The following PHF2 variants were observed in gnomAD, a reference collection of about 807,000 sequenced individuals.
PHF2 encodes the protein PHD finger protein 2.
Under a neutral mutation model 120.5 loss-of-function variants are expected in PHF2, and 27 were observed. That is an observed-to-expected ratio of 0.22 (90% CI 0.17 to 0.31). PHF2 has a LOEUF of 0.31. PHF2 is among the 10% of genes least tolerant of loss of function. The pLI is 1.00. For missense variants in PHF2, 1,024 were observed against 1,434.8 expected, an observed-to-expected ratio of 0.71 and a Z score of 4.63; for synonymous variants, 568 against 592.5, an observed-to-expected ratio of 0.96 and a Z score of 0.60.
At chr9:93,645,369 A>G (rs1414198986) in intron 3 of PHF2, among the ~76,000 whole-genome samples, 1 of 152,072 alleles carries the variant, frequency 6.6e-6, no homozygotes, top group Non-Finnish European at 1.5e-5. Context: ...GGCCCTTGTC[A>G]CCTCTTGACA....
intron 1 of PHF2, 139 bp from the exon 2 acceptor site, chr9:93,629,831 C>T: frequency 1.3e-6 from 1 of 780,498 alleles, no homozygotes; most frequent in African/African-American, 1.7e-5. Flanking sequence ...CCTAGTAGAA[C>T]ACTGTCCCTG....
chr9:93,636,243 C>T (rs1264112412), intron 2 of PHF2, among the ~76,000 whole-genome samples, 168 bp from the exon 3 acceptor site: 1 of 152,014 alleles, frequency 6.6e-6, no homozygotes, highest in African/African-American at 2.4e-5. Flanking sequence ...TGACTCCTCC[C>T]TATGTGCATG....
chr9:93,616,234 G>A (rs779163178), intron 1 of PHF2, among the ~76,000 whole-genome samples: 6 of 152,184 alleles, frequency 3.9e-5, no homozygotes, highest in South Asian at 2.1e-4. Context: ...TTAAATAACC[G>A]TGGGAGAAAC....
At chr9:93,632,965 A>G (rs1826025380) in intron 2 of PHF2, among the ~76,000 whole-genome samples, 2 of 152,054 alleles carry the variant, frequency 1.3e-5, no homozygotes, top group Non-Finnish European at 2.9e-5. Context: ...TGGTCTTTGC[A>G]TTTACTCCAG....
At chr9:93,629,747 G>T (rs10992811) in intron 1 of PHF2, among the ~76,000 whole-genome samples, 3,971 of 152,214 alleles carry the variant, frequency 0.026, 94 homozygotes, top group East Asian at 0.1. Context: ...ATATCCAGAC[G>T]CTGTATCTAG....
chr9:93,661,556 C>T (rs1357632432), intron 12 of PHF2, among the ~76,000 whole-genome samples: 1 of 151,784 alleles, frequency 6.6e-6, no homozygotes, highest in East Asian at 1.9e-4. Flanking sequence ...GCTACATGAA[C>T]GAATTGATGG....
At chr9:93,668,160 A>T (rs72747448) in intron 17 of PHF2, among the ~76,000 whole-genome samples, 19,206 of 152,280 alleles carry the variant, frequency 0.13, 1,366 homozygotes, top group Non-Finnish European at 0.17. Context: ...TGTAATATTG[A>T]TCAGAAAGCC....
chr9:93,650,244 C>A (rs376855226), intron 5 of PHF2, among the ~76,000 whole-genome samples: 1 of 152,032 alleles, frequency 6.6e-6, no homozygotes, highest in Non-Finnish European at 1.5e-5. Flanking sequence ...CACGGGCATT[C>A]ATGGACACAC....
intron 1 of PHF2, among the ~76,000 whole-genome samples, chr9:93,605,960 T>C (rs1441793623): frequency 2.0e-5 from 3 of 151,556 alleles, no homozygotes; most frequent in Non-Finnish European, 4.4e-5. Flanking sequence ...TTGGTAAGAG[T>C]GTGTTTAGTT....
rs554324744 is a variant in PHF2, at chr9:93,672,659, G to C, written c.2349-926G>C. 9 of 984,966 alleles carry C rather than the reference G, an allele frequency of 9.1e-6. No individual in the cohort carries two copies. In the East Asian group the frequency reaches 8.0e-4, roughly 87 times the overall value. 61.0% of individuals were successfully genotyped at this position (984,966 alleles called of 1,614,324 possible). On this transcript the variant is annotated intron_variant, in intron 17 of 21. Coordinates refer to ENST00000359246, the MANE Select transcript of PHF2 (RefSeq NM_005392.4). ...AGGTGCGGGGGTGGAGGTAGGTACA[G>C]GTGTAGATGCAGGTGTGGTTGGAGG...
chr9:93,622,521 T>G (rs967036873), intron 1 of PHF2, among the ~76,000 whole-genome samples: 2 of 151,998 alleles, frequency 1.3e-5, no homozygotes, highest in African/African-American at 4.8e-5. Context: ...CAGGGCAACG[T>G]CTGTGAGAGC....
chr9:93,612,092 T>C (rs2994365), intron 1 of PHF2, among the ~76,000 whole-genome samples: 47,381 of 152,150 alleles, frequency 0.31, 8,163 homozygotes, highest in South Asian at 0.6. Context: ...ACTTGTGCTC[T>C]TTGCTGAACA....
At chr9:93,666,190 C>A in intron 16 of PHF2, 130 bp downstream of exon 16, 1 of 738,222 alleles carries the variant, frequency 1.4e-6, no homozygotes, top group Non-Finnish European at 2.3e-6. Flanking sequence ...GGCCCCTTAC[C>A]CTCACCCCAC....
At chr9:93,632,813 C>A (rs1826022962) in intron 2 of PHF2, among the ~76,000 whole-genome samples, 1 of 152,222 alleles carries the variant, frequency 6.6e-6, no homozygotes. Flanking sequence ...TATATAAATT[C>A]TCTGAAGCAG....
At position 93,636,538 on chromosome 9, in the gene PHF2, T is replaced by C. The variant is rs1436405152; in HGVS notation, c.299+13T>C. ...GGACCTTTCCCAGGTGGGCTGGCCTTCCTGTATGCTCCACCACCTGCAGCC... is the reference window on the plus strand; with the variant it reads ...GGACCTTTCCCAGGTGGGCTGGCCTCCCTGTATGCTCCACCACCTGCAGCC... On this transcript the variant is annotated intron_variant, in intron 3 of 21. Coordinates refer to ENST00000359246, the MANE Select transcript of PHF2 (RefSeq NM_005392.4). 2.0e-6 allele frequency: 3 copies of C among 1,530,122 alleles called. No individual in the cohort carries two copies. In the Admixed American group the frequency reaches 5.7e-5, roughly 29 times the overall value. The allele number at this position is 1,530,122 out of a possible 1,614,324, so 94.8% of individuals were successfully genotyped here.
intron 1 of PHF2, among the ~76,000 whole-genome samples, chr9:93,603,402 A>G (rs867427924): frequency 8.6e-5 from 13 of 151,998 alleles, no homozygotes; most frequent in African/African-American, 1.2e-4. Flanking sequence ...GACACGGTCT[A>G]TGTTGTTGTG....
rs895875941 is a variant in PHF2, at chr9:93,656,961, C to G, written c.1147+366C>G. 6.6e-6 allele frequency among the ~76,000 whole-genome samples: 1 copy of G among 151,978 alleles called. No homozygotes were observed. Among genetic ancestry groups the G allele is most frequent in the Non-Finnish European group, 1.5e-5 (1 of 67,996 alleles). The stretch of plus-strand genomic sequence containing the variant: ...TCTGTCACCAGCTGAGGAGTGGGTG[C>G]GAGTGGGCTCTGGGTCCCCTTAGGC... On this transcript the variant is annotated intron_variant, in intron 9 of 21. Transcript: ENST00000359246. This position sits in a 1 kb window ranked among gnomAD's most constrained non-coding sequence, Gnocchi z 4.1.
rs1035965644 is a variant in PHF2 at position 93,656,147 on chromosome 9, C to A, written c.1040+126C>A. The A allele has an allele frequency of 2.7e-6, 2 of 735,732 alleles. No homozygotes were observed. The highest frequency in any genetic ancestry group is 4.6e-6 in the Non-Finnish European group (2 of 435,704). The allele number at this position is 735,732 out of a possible 1,614,324, so 45.6% of individuals were successfully genotyped here. ...CGCCTGTGGGTGGCCTGGACATGAC[C>A]GTCAGCCTCGGTGGGCCTCTTTGTG... On this transcript the variant is annotated intron_variant, in intron 8 of 21. Transcript: ENST00000359246. The surrounding 1 kb of genome is among the most constrained non-coding windows in gnomAD (Gnocchi z 4.1).
intron 3 of PHF2, among the ~76,000 whole-genome samples, chr9:93,642,887 A>G (rs1358520269): frequency 6.6e-6 from 1 of 152,176 alleles, no homozygotes; most frequent in Non-Finnish European, 1.5e-5. Flanking sequence ...AAAAATTTTG[A>G]TCATTGTATT....
Sources: allele counts gnomAD v4.1 joint callset (sites outside exome capture counted in the v4.1 genomes callset), GRCh38; gene constraint gnomAD v4.1.1; non-coding constraint Gnocchi (gnomAD v3.1); transcripts MANE v1.5; gene names NCBI Gene and HGNC (gene_info 2026-07-23, HGNC 2026-07-21).